GRM3: variants seen among roughly 807,000 people sequenced by gnomAD.
GRM3 encodes the protein glutamate metabotropic receptor 3, also known as metabotropic glutamate receptor 3.
Under a neutral mutation model 70.5 loss-of-function variants are expected in GRM3, and 26 were observed. The observed-to-expected ratio is 0.37, with a 90% CI of 0.27 to 0.51. The LOEUF is 0.51. Ranked by LOEUF, GRM3 falls within the 20% of genes least tolerant of loss-of-function variation. The probability of loss-of-function intolerance (pLI) is 0.93; values close to 1 mark genes in which losing one functional copy is unlikely to be tolerated. For synonymous variants in GRM3, 443 were observed against 434.9 expected, an observed-to-expected ratio of 1.02 and a Z score of -0.23; for missense variants, 859 against 1,123.8, an observed-to-expected ratio of 0.76 and a Z score of 3.37.
At chr7:86,858,775 G>T (rs1314953428) in intron 5 of GRM3, among the ~76,000 whole-genome samples, 1 of 152,116 alleles carries the variant, frequency 6.6e-6, no homozygotes, top group African/African-American at 2.4e-5. Context: ...CACAAGAAAA[G>T]AATCATTGAA....
At chr7:86,856,526 G>C (rs1233946998) in intron 5 of GRM3, among the ~76,000 whole-genome samples, 1 of 149,998 alleles carries the variant, frequency 6.7e-6, no homozygotes, top group Non-Finnish European at 1.5e-5. Flanking sequence ...CTTGAAATCT[G>C]TGCAGCAAAC....
At chr7:86,759,823 A>G (rs989077578) in intron 1 of GRM3, among the ~76,000 whole-genome samples, 6 of 152,090 alleles carry the variant, frequency 3.9e-5, no homozygotes, top group Non-Finnish European at 5.9e-5. Context: ...GCTTCCTAAG[A>G]CTTCTGGGGA....
At chr7:86,694,716 A>G (rs1794776266) in intron 1 of GRM3, among the ~76,000 whole-genome samples, 1 of 152,184 alleles carries the variant, frequency 6.6e-6, no homozygotes, top group African/African-American at 2.4e-5. Context: ...TCACTTAACA[A>G]GTGACTTTTT....
At chr7:86,819,446 A>C (rs1001585364) in intron 3 of GRM3, among the ~76,000 whole-genome samples, 13 of 152,136 alleles carry the variant, frequency 8.5e-5, no homozygotes, top group Non-Finnish European at 1.8e-4. Context: ...CAATAAGGAC[A>C]ATCATAACTA....
At chr7:86,705,389 TGA>T (rs1562832063) in intron 1 of GRM3, among the ~76,000 whole-genome samples, 1 of 152,014 alleles carries the variant, frequency 6.6e-6, no homozygotes, top group Non-Finnish European at 1.5e-5. Context: ...ACTGGAGAAC[TGA>T]GAGAGTCATC....
chr7:86,644,799 G>A lies in GRM3; in HGVS notation c.-214G>A. 2.3e-6 allele frequency: 3 copies of A among 1,289,634 alleles called. No homozygotes were observed. The highest frequency in any genetic ancestry group is 3.0e-5 in the African/African-American group (2 of 65,992). The allele number at this position is 1,289,634 out of a possible 1,614,324, so 79.9% of individuals were successfully genotyped here. On this transcript the variant is annotated 5_prime_UTR_variant, in exon 1 of 6. Transcript: ENST00000361669. ...TGAGGAGGACCAACCATGAGCCAGAGCCCGGGTGCAGGCTCACCGCCGCCG... is the reference window on the plus strand; with the variant it reads ...TGAGGAGGACCAACCATGAGCCAGAACCCGGGTGCAGGCTCACCGCCGCCG...
At chr7:86,796,699 A>G (rs1317353799) in intron 3 of GRM3, among the ~76,000 whole-genome samples, 1 of 152,132 alleles carries the variant, frequency 6.6e-6, no homozygotes, top group Non-Finnish European at 1.5e-5. Flanking sequence ...TGAGCATGGA[A>G]TGTTTTTTCA....
rs2116543947 is a variant in GRM3, at chr7:86,786,560, C to G, written c.768C>G (p.Tyr256Ter). ...GCCGCTCCAACATCCGCAAGTCCTA[C>G]GACAGCGTGATCCGAGAACTGTTGC... ...KVGRSNIRKS[Y>*]DSVIRELLQK... The change falls in exon 3 of 6, where the codon TAC (tyrosine) becomes TAG (stop). Residue 256 changes from tyrosine (Y) to a stop codon, truncating the protein, a stop_gained. Coordinates refer to ENST00000361669, the MANE Select transcript of GRM3 (RefSeq NM_000840.3). LOFTEE classifies it high-confidence loss of function. The surrounding 1 kb of genome is among the most constrained non-coding windows in gnomAD (Gnocchi z 6.0). The G allele has an allele frequency of 6.2e-7, 1 of 1,614,012 alleles. No homozygotes were observed.
intron 2 of GRM3, among the ~76,000 whole-genome samples, chr7:86,767,428 A>G (rs1333805797): frequency 6.7e-6 from 1 of 149,976 alleles, no homozygotes; most frequent in East Asian, 2.0e-4. Context: ...AAAGCACATC[A>G]TGTTAATTTT....
intron 1 of GRM3, among the ~76,000 whole-genome samples, chr7:86,694,511 C>CAAAAAAAAAAAAAAA (rs1226119828): frequency 5.3e-5 from 2 of 37,736 alleles, no homozygotes; most frequent in Non-Finnish European, 9.8e-5. Context: ...GACTCTGTCT[C>CAAAAAAAAAAAAAAA]AAAAAAAAAA....
At chr7:86,742,922 ATTATT>A (rs1199257094) in intron 1 of GRM3, among the ~76,000 whole-genome samples, 1 of 152,132 alleles carries the variant, frequency 6.6e-6, no homozygotes, top group Non-Finnish European at 1.5e-5. Flanking sequence ...TTTTTAGTTC[ATTATT>A]TTATTTAAGC....
chr7:86,751,414 G>C (rs1175210836), intron 1 of GRM3, among the ~76,000 whole-genome samples: 1 of 152,030 alleles, frequency 6.6e-6, no homozygotes, highest in African/African-American at 2.4e-5. Context: ...CCGTCCTACT[G>C]CTCCTTGTAT....
At chr7:86,706,665 G>C (rs1161649378) in intron 1 of GRM3, among the ~76,000 whole-genome samples, 10 of 152,030 alleles carry the variant, frequency 6.6e-5, no homozygotes, top group Non-Finnish European at 1.5e-4. Flanking sequence ...CAAGTGCACA[G>C]TTGTTGAATG....
intron 4 of GRM3, among the ~76,000 whole-genome samples, chr7:86,849,617 A>G (rs1368779032): frequency 6.6e-6 from 1 of 152,120 alleles, no homozygotes; most frequent in African/African-American, 2.4e-5. Context: ...CCTAAGGGGA[A>G]AGGAAAAAAA....
At chr7:86,822,784 A>G (rs1798147838) in intron 3 of GRM3, among the ~76,000 whole-genome samples, 1 of 152,192 alleles carries the variant, frequency 6.6e-6, no homozygotes. Flanking sequence ...ATAGTCCAAA[A>G]ATTGGGAAAG....
At chr7:86,804,339 T>A (rs1019686633) in intron 3 of GRM3, among the ~76,000 whole-genome samples, 5 of 152,224 alleles carry the variant, frequency 3.3e-5, no homozygotes, top group Non-Finnish European at 7.3e-5. Flanking sequence ...CCAAGATTCA[T>A]CTGCTAATAT....
intron 3 of GRM3, among the ~76,000 whole-genome samples, chr7:86,791,193 C>A (rs1054991769): frequency 2.0e-5 from 3 of 152,126 alleles, no homozygotes; most frequent in African/African-American, 7.2e-5. Flanking sequence ...CATCTCTGAT[C>A]TCAAATACTC....
chr7:86,839,727 T>C lies in GRM3; in HGVS notation c.2213T>C (p.Leu738Ser), dbSNP rs1798525668. ...LKCNVKDSSMLISLTYDVILV... is the reference protein window; with the variant it reads ...LKCNVKDSSMSISLTYDVILV... ...TGCAATGTCAAAGATTCCAGCATGTTGATCTCTCTTACCTACGATGTGATC... is the reference window on the plus strand; with the variant it reads ...TGCAATGTCAAAGATTCCAGCATGTCGATCTCTCTTACCTACGATGTGATC... Residue 738 changes from leucine (L) to serine (S), a missense_variant, in exon 4 of 6, where the codon TTG becomes TCG. Coordinates refer to ENST00000361669, the MANE Select transcript of GRM3 (RefSeq NM_000840.3). The surrounding 1 kb of genome is among the most constrained non-coding windows in gnomAD (Gnocchi z 4.5). The C allele has an allele frequency of 1.9e-6, 3 of 1,614,014 alleles. No individual in the cohort carries two copies. The Admixed American group carries it at 5.0e-5, about 27-fold the overall frequency.
chr7:86,828,078 C>G (rs1798277159), intron 3 of GRM3, among the ~76,000 whole-genome samples: 1 of 132,482 alleles, frequency 7.5e-6, no homozygotes, highest in Non-Finnish European at 1.5e-5. Flanking sequence ...TGCCACTGCA[C>G]TACAGCCTGG....
Sources: allele counts gnomAD v4.1 joint callset (sites outside exome capture counted in the v4.1 genomes callset), GRCh38; gene constraint gnomAD v4.1.1; non-coding constraint Gnocchi (gnomAD v3.1); transcripts MANE v1.5; gene names NCBI Gene and HGNC (gene_info 2026-07-23, HGNC 2026-07-21).